Variants in LEKR1 observed in about 807,000 individuals in gnomAD.
The protein encoded by LEKR1 is protein LEKR1.
Under a neutral mutation model 72.4 loss-of-function variants are expected in LEKR1, and 59 were observed. The observed-to-expected ratio is 0.82, with a 90% CI of 0.66 to 1.01. LEKR1 has a LOEUF of 1.01. Ranked by LOEUF, LEKR1 falls within the 50% of genes least tolerant of loss-of-function variation. LEKR1 has a pLI of 0.00. For missense variants in LEKR1, 728 were observed against 759.2 expected, an observed-to-expected ratio of 0.96 and a Z score of 0.48; for synonymous variants, 257 against 263.2, an observed-to-expected ratio of 0.98 and a Z score of 0.23.
intron 7 of LEKR1, among the ~76,000 whole-genome samples, chr3:156,981,204 CG>C (rs1730171707): frequency 6.6e-6 from 1 of 152,062 alleles, no homozygotes; most frequent in African/African-American, 2.4e-5. Flanking sequence ...GACAAAATTG[CG>C]TAATGACACA....
intron 3 of LEKR1, among the ~76,000 whole-genome samples, chr3:156,856,616 A>G (rs1716090890): frequency 6.6e-6 from 1 of 152,094 alleles, no homozygotes; most frequent in South Asian, 2.1e-4. Flanking sequence ...TGTTCTTTAA[A>G]TCCTTCAATA....
intron 5 of LEKR1, among the ~76,000 whole-genome samples, chr3:156,941,319 C>A (rs1726180553): frequency 6.6e-6 from 1 of 152,042 alleles, no homozygotes; most frequent in Admixed American, 6.6e-5. Flanking sequence ...CCCAGACATG[C>A]TTTCTACCCC....
At chr3:156,940,218 A>C (rs112446938) in intron 5 of LEKR1, among the ~76,000 whole-genome samples, 36 of 152,172 alleles carry the variant, frequency 2.4e-4, no homozygotes, top group African/African-American at 7.7e-4. Context: ...TGAATAAGAT[A>C]CTATCTATGG....
chr3:156,984,838 CTT>C (rs1312452505), intron 7 of LEKR1, among the ~76,000 whole-genome samples: 1 of 151,746 alleles, frequency 6.6e-6, no homozygotes, highest in African/African-American at 2.4e-5. Flanking sequence ...CAATAGTAAA[CTT>C]TTGACCATCA....
chr3:156,887,949 A>T (rs1389991951), intron 3 of LEKR1, among the ~76,000 whole-genome samples: 2 of 152,154 alleles, frequency 1.3e-5, no homozygotes, highest in Non-Finnish European at 2.9e-5. Flanking sequence ...ATTTTGACAA[A>T]CTCAAGATAG....
chr3:157,035,308 G>T (rs770769557), intron 12 of LEKR1, among the ~76,000 whole-genome samples: 6 of 152,232 alleles, frequency 3.9e-5, no homozygotes, highest in Middle Eastern at 6.8e-3. Context: ...TGAAAACAAG[G>T]CTGTTTGAAA....
chr3:156,888,252 T>C (rs1193251321), intron 3 of LEKR1: 5 of 690,408 alleles, frequency 7.2e-6, no homozygotes, highest in Non-Finnish European at 1.3e-5. Context: ...TAAAAGGAAA[T>C]GCACAGTTGA....
rs368657699 is a variant in LEKR1 at position 157,028,209 on chromosome 3, C to G, written c.1475C>G (p.Ser492Ter). 1.9e-5 allele frequency: 31 copies of G among 1,612,506 alleles called. No individual in the cohort carries two copies. Among genetic ancestry groups the G allele is most frequent in the Middle Eastern group, 1.6e-4 (1 of 6,072 alleles). Residue 492 changes from serine (S) to a stop codon, truncating the protein, a stop_gained, in exon 12 of 13, where the codon TCA becomes TGA. Transcript: ENST00000356539. LOFTEE classifies it high-confidence loss of function. ...SHIRYTEESN[S>*]KEKEIENLKN... is the part of the protein sequence containing the mutation. ...ATTCGGTACACTGAAGAATCTAATT[C>G]AAAGGAAAAAGAAATTGAAAATCTT...
At chr3:156,899,954 GAA>G (rs1452107137) in intron 3 of LEKR1, among the ~76,000 whole-genome samples, 4 of 152,068 alleles carry the variant, frequency 2.6e-5, no homozygotes, top group Admixed American at 1.3e-4. Context: ...AATTTGCAGA[GAA>G]AAATATTTGG....
chr3:157,043,061 T>C (rs985113387), intron 12 of LEKR1, among the ~76,000 whole-genome samples: 1 of 152,064 alleles, frequency 6.6e-6, no homozygotes, highest in Admixed American at 6.6e-5. Flanking sequence ...TCTCATGAGA[T>C]CTGGTTGTTT....
intron 3 of LEKR1, among the ~76,000 whole-genome samples, chr3:156,863,358 G>C (rs1374909567): frequency 6.6e-6 from 1 of 151,926 alleles, no homozygotes; most frequent in Non-Finnish European, 1.5e-5. Context: ...TGCACCTCTG[G>C]CTTGTCTTTC....
chr3:156,886,861 C>T (rs980964177), intron 3 of LEKR1, among the ~76,000 whole-genome samples: 3 of 152,116 alleles, frequency 2.0e-5, no homozygotes, highest in Admixed American at 6.5e-5. Context: ...CATATAGTAA[C>T]GTGAATTTTA....
rs1733727813 is a variant in LEKR1, at chr3:157,020,376, C to T, written c.1204-4384C>T. On this transcript the variant is annotated intron_variant, in intron 10 of 12. Coordinates refer to ENST00000356539, the MANE Select transcript of LEKR1 (RefSeq NM_001004316.3). ...ATGTGCCATGCTGGTGTGCTGCACC[C>T]ATTAACTCGTCATTTAGCATTGGGT... 2.8e-5 allele frequency among the ~76,000 whole-genome samples: 4 copies of T among 144,658 alleles called. No individual in the cohort carries two copies. The South Asian group carries it at 9.2e-4, about 33-fold the overall frequency. The allele number at this position is 144,658 out of a possible 152,430, so 94.9% of individuals were successfully genotyped here. A position where few individuals can be genotyped will look rare whatever the true frequency, so the allele number is the denominator to read the frequency against.
At chr3:156,861,909 T>A (rs933162017) in intron 3 of LEKR1, among the ~76,000 whole-genome samples, 1 of 152,112 alleles carries the variant, frequency 6.6e-6, no homozygotes, top group Non-Finnish European at 1.5e-5. Context: ...CAGACCAAAG[T>A]CCTTAGGTAT....
At chr3:156,929,647 A>T (rs1725026979) in intron 5 of LEKR1, among the ~76,000 whole-genome samples, 1 of 150,524 alleles carries the variant, frequency 6.6e-6, no homozygotes, top group African/African-American at 2.5e-5. Context: ...GTACCATAAT[A>T]TGTTACCAGA....
In LEKR1 at chr3:156,847,016, G is replaced by A. The variant is rs544927731; in HGVS notation, c.49-5752G>A. The stretch of plus-strand genomic sequence containing the variant: ...TTTTTTGTAGAAATAAGGTCTCACC[G>A]TGTTGTCCAGGCTCATCCTGGGCTC... On this transcript the variant is annotated intron_variant, in intron 2 of 12. Coordinates refer to ENST00000356539, the MANE Select transcript of LEKR1 (RefSeq NM_001004316.3). Among the ~76,000 whole-genome samples, 117 of 152,088 alleles carry A rather than the reference G, an allele frequency of 7.7e-4. No homozygotes were observed. The Middle Eastern group carries it at 0.014, about 18-fold the overall frequency.
At position 156,852,961 on chromosome 3, in the gene LEKR1, A is replaced by G; in HGVS notation, c.242A>G (p.Asp81Gly). 1 of 1,534,296 alleles carries G rather than the reference A, an allele frequency of 6.5e-7. No individual in the cohort carries two copies. Among genetic ancestry groups the G allele is most frequent in the Non-Finnish European group, 8.7e-7 (1 of 1,145,146 alleles). ...LSQELEQYKI[D>G]NKSKTERIYD... ...CAAGAACTTGAACAGTACAAAATTG[A>G]CAACAAATCCAAAACAGAAAGGTTG... The change falls in exon 3 of 13, where the codon GAC becomes GGC. Residue 81 changes from aspartate to glycine, a missense_variant. Coordinates refer to ENST00000356539, the MANE Select transcript of LEKR1 (RefSeq NM_001004316.3).
intron 10 of LEKR1, among the ~76,000 whole-genome samples, chr3:157,022,897 A>G (rs572622007): frequency 6.6e-6 from 1 of 152,302 alleles, no homozygotes; most frequent in East Asian, 1.9e-4. Flanking sequence ...GAAAGAGCCA[A>G]AATAACTCTT....
At chr3:156,931,721 A>G (rs562974493) in intron 5 of LEKR1, among the ~76,000 whole-genome samples, 2 of 152,284 alleles carry the variant, frequency 1.3e-5, no homozygotes, top group South Asian at 2.1e-4. Context: ...ATATTATGGT[A>G]CTTGAAAATA....
Sources: allele counts gnomAD v4.1 joint callset (sites outside exome capture counted in the v4.1 genomes callset), GRCh38; gene constraint gnomAD v4.1.1; transcripts MANE v1.5; gene names NCBI Gene and HGNC (gene_info 2026-07-23, HGNC 2026-07-21).